The following CDH18 variants were observed in gnomAD, a reference collection of about 807,000 sequenced individuals.
CDH18 encodes the protein cadherin-18.
Under a neutral mutation model 67.9 loss-of-function variants are expected in CDH18, and 31 were observed. The ratio of observed to expected loss-of-function variants is 0.46; its 90% CI spans 0.34 to 0.62. CDH18 has a LOEUF of 0.62. Among genes scored for constraint, CDH18 ranks in the 20% least tolerant of loss-of-function variants. CDH18 has a pLI of 0.01. For missense variants in CDH18, 890 were observed against 975.5 expected (o/e 0.91, Z 1.17); for synonymous variants, 362 against 347.2 (o/e 1.04, Z -0.48).
intron 5 of CDH18, among the ~76,000 whole-genome samples, chr5:19,640,841 A>G (rs887411942): frequency 1.3e-5 from 2 of 152,014 alleles, no homozygotes; most frequent in Non-Finnish European, 1.5e-5. Flanking sequence ...AAAAAAATAT[A>G]AGGATTATAA....
At chr5:20,330,631 G>C (rs989663525) in intron 1 of CDH18, among the ~76,000 whole-genome samples, 6 of 152,160 alleles carry the variant, frequency 3.9e-5, no homozygotes, top group Non-Finnish European at 5.9e-5. Flanking sequence ...AAGTGAGCAT[G>C]CTTAGAACCT....
intron 2 of CDH18, among the ~76,000 whole-genome samples, chr5:19,924,558 G>A (rs1171200906): frequency 3.3e-5 from 5 of 152,038 alleles, no homozygotes; most frequent in Admixed American, 6.6e-5. Context: ...CCTGGGAGAC[G>A]GTGATTGCAG....
At chr5:19,885,321 T>C (rs1788081210) in intron 2 of CDH18, among the ~76,000 whole-genome samples, 3 of 152,316 alleles carry the variant, frequency 2.0e-5, no homozygotes, top group South Asian at 2.1e-4. Context: ...ATCCAGTTTA[T>C]TTTAAATGCT....
intron 3 of CDH18, among the ~76,000 whole-genome samples, chr5:19,828,763 G>T (rs757430155): frequency 1.3e-5 from 2 of 152,120 alleles, no homozygotes; most frequent in Non-Finnish European, 2.9e-5. Flanking sequence ...CCGGCTGGGC[G>T]CTGTGGCTCA....
chr5:19,521,710 C>T (rs1019441726), intron 9 of CDH18, among the ~76,000 whole-genome samples: 1 of 151,708 alleles, frequency 6.6e-6, no homozygotes. Context: ...TGTCAAGTAG[C>T]TCTAAAATAA....
intron 1 of CDH18, among the ~76,000 whole-genome samples, chr5:20,457,861 GA>G (rs1010116425): frequency 7.9e-5 from 12 of 152,154 alleles, no homozygotes; most frequent in Non-Finnish European, 2.9e-5. Flanking sequence ...GTGGCAGTGG[GA>G]AATGGGAAGG....
intron 5 of CDH18, among the ~76,000 whole-genome samples, chr5:19,647,610 T>C (rs1055147601): frequency 1.6e-5 from 2 of 126,398 alleles, no homozygotes; most frequent in African/African-American, 3.0e-5. Context: ...CATAGAGACA[T>C]AGAGGCAATT....
intron 1 of CDH18, among the ~76,000 whole-genome samples, chr5:19,984,427 T>C (rs753841968): frequency 5.3e-5 from 8 of 152,260 alleles, no homozygotes; most frequent in South Asian, 2.1e-4. Context: ...GGTGTATTCA[T>C]AATCTTAAAT....
intron 2 of CDH18, among the ~76,000 whole-genome samples, chr5:20,228,094 A>G (rs1250688123): frequency 6.6e-6 from 1 of 152,128 alleles, no homozygotes; most frequent in Non-Finnish European, 1.5e-5. Flanking sequence ...CCCTTAATGG[A>G]AACACTCTGT....
intron 7 of CDH18, among the ~76,000 whole-genome samples, chr5:19,579,665 ATATTTTTTCATTCTTAG>A (rs1742903511): frequency 2.6e-5 from 4 of 151,730 alleles, no homozygotes. Flanking sequence ...GCTCGGACTT[ATATTTTTTCATTCTTAG>A]TTATTACTAA....
At chr5:20,566,348 TTTTTTC>T (rs1758502708) in intron 1 of CDH18, among the ~76,000 whole-genome samples, 1 of 147,002 alleles carries the variant, frequency 6.8e-6, no homozygotes, top group Admixed American at 6.8e-5. Context: ...TCTCTTGATT[TTTTTTC>T]TTTTTCTTTT....
chr5:20,173,449 C>T lies in CDH18; in HGVS notation c.-518+81995G>A, dbSNP rs988316982. 8.5e-5 allele frequency among the ~76,000 whole-genome samples: 13 copies of T among 152,220 alleles called. No individual in the cohort carries two copies. In the East Asian group the frequency reaches 2.3e-3, roughly 27 times the overall value. Reference sequence around the variant, plus strand: ...GTTCTGAGTTTCAAAGGAGGAAAAGCAATCTAGATGGCAGGTTTGAAGCTG... The same window carrying T: ...GTTCTGAGTTTCAAAGGAGGAAAAGTAATCTAGATGGCAGGTTTGAAGCTG... On this transcript the variant is annotated intron_variant, in intron 2 of 14. Coordinates refer to the CDH18 transcript ENST00000507958.
chr5:20,121,455 TTTG>T (rs1748345789), intron 2 of CDH18, among the ~76,000 whole-genome samples: 1 of 152,132 alleles, frequency 6.6e-6, no homozygotes, highest in Non-Finnish European at 1.5e-5. Flanking sequence ...GCCCACACTG[TTTG>T]TTACTATTTG....
intron 1 of CDH18, among the ~76,000 whole-genome samples, chr5:20,343,411 C>A (rs919860233): frequency 6.6e-6 from 1 of 152,116 alleles, no homozygotes; most frequent in Non-Finnish European, 1.5e-5. Flanking sequence ...GACACAGAAT[C>A]CCTTGAATGA....
At chr5:19,576,391 C>CAA (rs148894296) in intron 7 of CDH18, among the ~76,000 whole-genome samples, 7,959 of 147,832 alleles carry the variant, frequency 0.054, 621 homozygotes, top group African/African-American at 0.17. Context: ...TCAAACTACT[C>CAA]AAAAAAAAAA....
At chr5:20,271,856 T>A (rs1468956441) in intron 1 of CDH18, among the ~76,000 whole-genome samples, 6 of 151,974 alleles carry the variant, frequency 3.9e-5, no homozygotes, top group African/African-American at 7.2e-5. Flanking sequence ...GAATGTTTCT[T>A]ATTTAAGAGT....
At chr5:19,692,282 T>A (rs980173362) in intron 5 of CDH18, among the ~76,000 whole-genome samples, 2 of 152,050 alleles carry the variant, frequency 1.3e-5, no homozygotes, top group Admixed American at 6.6e-5. Context: ...AAAACTACTA[T>A]AATGAAACAT....
chr5:19,977,514 T>A (rs1798609460), intron 2 of CDH18, among the ~76,000 whole-genome samples: 1 of 152,130 alleles, frequency 6.6e-6, no homozygotes, highest in Non-Finnish European at 1.5e-5. Context: ...ATTTGCATAC[T>A]CCATCATGTC....
chr5:20,343,938 G>A (rs1383814528), intron 1 of CDH18, among the ~76,000 whole-genome samples: 1 of 152,136 alleles, frequency 6.6e-6, no homozygotes, highest in Non-Finnish European at 1.5e-5. Context: ...CAGATTAGCA[G>A]ACCAAACAGC....
Sources: gnomAD v4.1 joint callset for allele counts (sites outside exome capture counted in the v4.1 genomes callset) on GRCh38, gnomAD v4.1.1 for gene constraint, MANE v1.5 for transcripts, NCBI Gene and HGNC (gene_info 2026-07-23, HGNC 2026-07-21) for gene names.